The following PRH1 variants were observed in gnomAD, a reference collection of about 807,000 sequenced individuals.
PRH1 encodes the protein salivary acidic proline-rich phosphoprotein 1/2.
PRH1 carries 7 observed loss-of-function variants against 7.9 expected under a neutral mutation model. The observed-to-expected ratio is 0.89, with a 90% CI of 0.50 to 1.67. The LOEUF (loss-of-function observed/expected upper bound fraction) is 1.67, where lower values mean the gene tolerates loss of function less well. PRH1 is among the 40% of genes most tolerant of loss of function. The pLI is 0.00. For missense variants in PRH1, 109 were observed against 223.6 expected (o/e 0.49, Z 3.27); for synonymous variants, 45 against 80.8 (o/e 0.56, Z 2.38).
intron 1 of PRH1, among the ~76,000 whole-genome samples, chr12:11,145,102 C>A (rs1268135500): frequency 1.3e-5 from 2 of 152,244 alleles, no homozygotes; most frequent in East Asian, 3.9e-4. Flanking sequence ...TCCTGCCTCA[C>A]ATCCATCTGC....
In PRH1 at chr12:11,170,426, AG is replaced by A. The variant is rs564541546; in HGVS notation, n.39+995del. 4.5e-4 allele frequency among the ~76,000 whole-genome samples: 68 copies of A among 152,346 alleles called. 1 individual carries two copies. In the East Asian group the frequency reaches 0.012, roughly 26 times the overall value. The stretch of plus-strand genomic sequence containing the variant: ...GCCGGGCATGGTGGCGGGCGCCTGT[AG>A]TCCCAGCTACTCAGGAGGCTGAGGC... On this transcript the variant is annotated intron_variant and non_coding_transcript_variant, in intron 1 of 1. Coordinates refer to the PRH1 transcript ENST00000541175.
chr12:11,146,178 T>G (rs1179946844), intron 1 of PRH1, among the ~76,000 whole-genome samples: 1 of 152,144 alleles, frequency 6.6e-6, no homozygotes, highest in South Asian at 2.1e-4. Context: ...TAATATATTT[T>G]ACCAACAGAT....
chr12:11,021,341 G>C (rs1223049420), intron 1 of PRH1, among the ~76,000 whole-genome samples: 1 of 152,066 alleles, frequency 6.6e-6, no homozygotes, highest in Non-Finnish European at 1.5e-5. Flanking sequence ...CATAAAAGCT[G>C]TACGTTCTTA....
At chr12:11,010,230 A>G (rs750671416) in intron 1 of PRH1, among the ~76,000 whole-genome samples, 1 of 151,996 alleles carries the variant, frequency 6.6e-6, no homozygotes, top group Non-Finnish European at 1.5e-5. Context: ...ATAATCTTTT[A>G]AAAATGTCTT....
At chr12:10,972,932 A>ACCCCCCCCCCCC (rs545868427) in intron 2 of PRH1, among the ~76,000 whole-genome samples, 9 of 79,058 alleles carry the variant, frequency 1.1e-4, no homozygotes, top group African/African-American at 1.8e-4. Context: ...ACCACAACCC[A>ACCCCCCCCCCCC]CCCCCCCCGC....
chr12:11,026,054 G>A (rs1252982064), intron 1 of PRH1, among the ~76,000 whole-genome samples: 1 of 143,068 alleles, frequency 7.0e-6, no homozygotes, highest in Non-Finnish European at 1.6e-5. Context: ...TTCTTCTTCT[G>A]AGACACAGTC....
At chr12:10,921,657 T>C (rs1333081200) in intron 2 of PRH1, among the ~76,000 whole-genome samples, 1 of 152,216 alleles carries the variant, frequency 6.6e-6, no homozygotes, top group Non-Finnish European at 1.5e-5. Context: ...TACTTTGATT[T>C]TGGTTGACAT....
chr12:10,933,985 A>C (rs61912261), intron 2 of PRH1, among the ~76,000 whole-genome samples: 1 of 152,152 alleles, frequency 6.6e-6, no homozygotes, highest in Non-Finnish European at 1.5e-5. Context: ...AGGAAGGAAA[A>C]CCATTGTAAT....
At chr12:10,896,223 G>A (rs1470753882) in intron 2 of PRH1, among the ~76,000 whole-genome samples, 1 of 152,078 alleles carries the variant, frequency 6.6e-6, no homozygotes. Flanking sequence ...CTCCTTTATA[G>A]TTTTACAATG....
In PRH1 at chr12:11,133,751, T is replaced by C. The variant is rs777514932; in HGVS notation, n.40-12571A>G. On this transcript the variant is annotated intron_variant and non_coding_transcript_variant, in intron 1 of 1. Coordinates refer to the PRH1 transcript ENST00000541175. ...GTACATTGCACTCCTCAATTTGATC[T>C]TCCAAGTCACGTTTCCTTCATATTC... is the stretch of plus-strand genomic sequence containing the variant. 2.5e-6 allele frequency: 4 copies of C among 1,614,088 alleles called. No homozygotes were observed. The East Asian group carries it at 8.9e-5, about 36-fold the overall frequency.
intron 2 of PRH1, chr12:10,932,228 A>G (rs1950223986): frequency 2.3e-6 from 1 of 436,428 alleles, no homozygotes; most frequent in African/African-American, 2.0e-5. Flanking sequence ...TTTTTCAGGA[A>G]GTGAATAAGA....
At chr12:10,956,742 A>G (rs554856983) in intron 2 of PRH1, among the ~76,000 whole-genome samples, 1 of 152,304 alleles carries the variant, frequency 6.6e-6, no homozygotes, top group African/African-American at 2.4e-5. Flanking sequence ...AAATCAATGT[A>G]CAAAAATTAG....
At chr12:10,914,558 C>T (rs964815412) in intron 2 of PRH1, among the ~76,000 whole-genome samples, 1 of 152,100 alleles carries the variant, frequency 6.6e-6, no homozygotes, top group Non-Finnish European at 1.5e-5. Flanking sequence ...GTTGCAGTGG[C>T]CTTTGTGCAA....
At chr12:11,045,479 C>T (rs1301279939) in intron 1 of PRH1, among the ~76,000 whole-genome samples, 1 of 152,058 alleles carries the variant, frequency 6.6e-6, no homozygotes, top group Admixed American at 6.6e-5. Context: ...GGGATGGCTA[C>T]CCCATTCTTC....
At chr12:11,030,185 G>C (rs574854448) in intron 1 of PRH1, among the ~76,000 whole-genome samples, 1 of 151,734 alleles carries the variant, frequency 6.6e-6, no homozygotes, top group African/African-American at 2.4e-5. Context: ...ACAGAAAAGA[G>C]CATGTTATTG....
chr12:11,025,141 C>T (rs752871603), intron 1 of PRH1, among the ~76,000 whole-genome samples: 4 of 151,936 alleles, frequency 2.6e-5, no homozygotes, highest in South Asian at 2.1e-4. Context: ...CCTCAGCCTC[C>T]GGAGTAGCTG....
chr12:11,116,522 C>G (rs1945735238), downstream of PRH1, among the ~76,000 whole-genome samples: 1 of 152,036 alleles, frequency 6.6e-6, no homozygotes, highest in Admixed American at 6.5e-5. Context: ...ACCAATCCTA[C>G]ACAAACTATT....
intron 1 of PRH1, among the ~76,000 whole-genome samples, chr12:10,994,501 G>T (rs1940111338): frequency 6.6e-6 from 1 of 152,128 alleles, no homozygotes; most frequent in Admixed American, 6.6e-5. Flanking sequence ...TTGTGAAGTG[G>T]TCGTCAGCAG....
intron 2 of PRH1, among the ~76,000 whole-genome samples, chr12:10,941,028 C>T (rs758667912): frequency 1.6e-4 from 24 of 152,258 alleles, no homozygotes; most frequent in Non-Finnish European, 2.5e-4. Context: ...GAAGTACAAA[C>T]GTACTATCCA....
Sources: gnomAD v4.1 joint callset for allele counts (sites outside exome capture counted in the v4.1 genomes callset) on GRCh38, gnomAD v4.1.1 for gene constraint, MANE v1.5 for transcripts, NCBI Gene and HGNC (gene_info 2026-07-23, HGNC 2026-07-21) for gene names.